PREP: variants seen among roughly 807,000 people sequenced by gnomAD.
PREP encodes prolyl endopeptidase, also known as dJ355L5.1 (prolyl endopeptidase).
PREP carries 29 observed loss-of-function variants against 87.6 expected under a neutral mutation model. The observed-to-expected ratio is 0.33, with a 90% CI of 0.25 to 0.45. The LOEUF (loss-of-function observed/expected upper bound fraction) is 0.45. PREP is among the 20% of genes least tolerant of loss of function. The pLI is 1.00. For missense variants in PREP, 695 were observed against 886.5 expected, an observed-to-expected ratio of 0.78 and a Z score of 2.74; for synonymous variants, 337 against 328.6, an observed-to-expected ratio of 1.03 and a Z score of -0.28.
intron 5 of PREP, among the ~76,000 whole-genome samples, chr6:105,370,108 C>G (rs1037101517): frequency 6.6e-6 from 1 of 151,590 alleles, no homozygotes; most frequent in African/African-American, 2.4e-5. Flanking sequence ...AAAAATTAGC[C>G]GGGTGGGGTG....
intron 11 of PREP, 82 bp from the exon 12 acceptor site, chr6:105,285,662 A>G (rs1312799292): frequency 2.8e-6 from 3 of 1,072,924 alleles, no homozygotes; most frequent in Admixed American, 1.8e-5. Flanking sequence ...AAAAAAGTGT[A>G]TGCCCAACAA....
intron 6 of PREP, among the ~76,000 whole-genome samples, chr6:105,366,454 T>A (rs925967380): frequency 3.9e-5 from 6 of 152,162 alleles, no homozygotes; most frequent in Non-Finnish European, 8.8e-5. Context: ...ATGCATTCCT[T>A]CCTTCTCAGA....
At chr6:105,285,452 T>A (rs1770171886) in intron 12 of PREP, 34 bp downstream of exon 12, 2 of 1,572,682 alleles carry the variant, frequency 1.3e-6, no homozygotes, top group East Asian at 4.5e-5. Flanking sequence ...TTTGATTATG[T>A]CAGACTTGTG....
chr6:105,390,029 C>A (rs967204490), intron 2 of PREP, among the ~76,000 whole-genome samples: 1 of 152,124 alleles, frequency 6.6e-6, no homozygotes, highest in Admixed American at 6.6e-5. Context: ...ACATAGAAAT[C>A]CTAGGATTTA....
intron 2 of PREP, among the ~76,000 whole-genome samples, chr6:105,382,642 T>G (rs1218935756): frequency 6.8e-6 from 1 of 147,994 alleles, no homozygotes; most frequent in Non-Finnish European, 1.5e-5. Context: ...CCATGGTGAT[T>G]AACAAGATGA....
At chr6:105,316,613 C>A (rs553596089) in intron 10 of PREP, among the ~76,000 whole-genome samples, 9 of 152,084 alleles carry the variant, frequency 5.9e-5, no homozygotes, top group Admixed American at 3.9e-4. Flanking sequence ...TACAATAAAG[C>A]AAAATAAAAC....
chr6:105,335,275 A>C (rs4512258), intron 7 of PREP, among the ~76,000 whole-genome samples: 42,521 of 152,170 alleles, frequency 0.28, 7,027 homozygotes, highest in African/African-American at 0.47. Flanking sequence ...AAAGGCAATG[A>C]CTGATCTTAG....
chr6:105,326,042 G>A (rs1042185158), intron 9 of PREP, among the ~76,000 whole-genome samples: 4 of 152,118 alleles, frequency 2.6e-5, no homozygotes, highest in African/African-American at 9.7e-5. Flanking sequence ...GATCCGAAAA[G>A]TCACGTATGT....
intron 1 of PREP, among the ~76,000 whole-genome samples, chr6:105,398,511 G>A (rs1365782453): frequency 2.0e-5 from 3 of 152,160 alleles, no homozygotes; most frequent in African/African-American, 4.8e-5. Context: ...TAAAACTAAT[G>A]CCTTTCTTCC....
At chr6:105,392,358 G>A (rs1773175107) in intron 2 of PREP, among the ~76,000 whole-genome samples, 1 of 152,028 alleles carries the variant, frequency 6.6e-6, no homozygotes, top group Non-Finnish European at 1.5e-5. Flanking sequence ...TTTAGGGACT[G>A]CAAACCTCCT....
At chr6:105,303,817 T>C (rs1421824231) in intron 10 of PREP, among the ~76,000 whole-genome samples, 3 of 152,250 alleles carry the variant, frequency 2.0e-5, no homozygotes, top group African/African-American at 4.8e-5. Context: ...AAGCTAATTA[T>C]CAACTAAAGT....
chr6:105,396,707 G>A (rs1773294105), intron 2 of PREP, among the ~76,000 whole-genome samples: 3 of 151,464 alleles, frequency 2.0e-5, no homozygotes, highest in Admixed American at 2.0e-4. Flanking sequence ...TTTTTTAAAT[G>A]GGAAACGTAC....
intron 6 of PREP, among the ~76,000 whole-genome samples, chr6:105,364,949 T>C (rs763517811): frequency 1.1e-4 from 16 of 152,154 alleles, no homozygotes; most frequent in Non-Finnish European, 1.6e-4. Flanking sequence ...CTTTGGTACA[T>C]GGTTATAAAG....
At chr6:105,348,312 G>A (rs901840181) in intron 7 of PREP, among the ~76,000 whole-genome samples, 5 of 152,308 alleles carry the variant, frequency 3.3e-5, no homozygotes, top group African/African-American at 9.6e-5. Context: ...GGCAGTAACC[G>A]TTACAGAGGG....
At position 105,379,817 on chromosome 6, in the gene PREP, G is replaced by A. The variant is rs543967249; in HGVS notation, c.121-2298C>T. Among the ~76,000 whole-genome samples, 49 of 152,308 alleles carry A rather than the reference G, an allele frequency of 3.2e-4. No homozygotes were observed. In the South Asian group the frequency reaches 4.4e-3, roughly 14 times the overall value. ...TCCAAGCTAAAATCCCTGTCATCAC[G>A]GAGCTCATGCTACTGGGGACACACC... On this transcript the variant is annotated intron_variant, in intron 2 of 14. Coordinates refer to ENST00000652536, the MANE Select transcript of PREP (RefSeq NM_002726.5).
chr6:105,328,929 G>C lies in PREP; in HGVS notation c.1113C>G (p.Leu371=), dbSNP rs1771244342. The change falls in exon 9 of 15, where the codon CTC becomes CTG. Residue 371 remains leucine (L), a synonymous_variant. Coordinates refer to ENST00000652536, the MANE Select transcript of PREP (RefSeq NM_002726.5). Reference sequence around the variant, plus strand: ...CGACATCGAGCGGGAAGGTCTTAAGGAGAGCACCAGTAGTCAGGTCATGGA... The same window carrying C: ...CGACATCGAGCGGGAAGGTCTTAAGCAGAGCACCAGTAGTCAGGTCATGGA... ...LQLHDLTTGA[L]LKTFPLDVGS... is the part of the protein sequence containing the mutation. The C allele has an allele frequency of 6.2e-7, 1 of 1,614,052 alleles. No individual in the cohort carries two copies. The highest frequency in any genetic ancestry group is 1.3e-5 in the African/African-American group (1 of 74,916).
At chr6:105,328,351 G>A (rs987419755) in intron 9 of PREP, among the ~76,000 whole-genome samples, 2 of 151,588 alleles carry the variant, frequency 1.3e-5, no homozygotes, top group African/African-American at 2.4e-5. Flanking sequence ...TCCACCTCCC[G>A]GGTTCAAGTG....
intron 5 of PREP, among the ~76,000 whole-genome samples, chr6:105,371,500 C>CAAAAAA (rs528772896): frequency 2.2e-5 from 1 of 44,788 alleles, no homozygotes; most frequent in African/African-American, 6.2e-5. Context: ...GATTCCATCT[C>CAAAAAA]AAAAAAAAAA....
At chr6:105,329,140 C>A in intron 8 of PREP, 114 bp from the exon 9 acceptor site, 2 of 982,646 alleles carry the variant, frequency 2.0e-6, no homozygotes, top group Non-Finnish European at 1.5e-6. Context: ...ATGAGACTTG[C>A]AAAGTCACTT....
Sources: allele counts gnomAD v4.1 joint callset (sites outside exome capture counted in the v4.1 genomes callset), GRCh38; gene constraint gnomAD v4.1.1; transcripts MANE v1.5; gene names NCBI Gene and HGNC (gene_info 2026-07-23, HGNC 2026-07-21).